The following ABCA10 variants were observed in gnomAD, a reference collection of about 807,000 sequenced individuals.
ABCA10 encodes the protein ATP-binding cassette sub-family A member 10.
In ABCA10, 169 loss-of-function variants were observed where a neutral mutation model predicts 187.5. The observed-to-expected ratio is 0.90, with a 90% confidence interval of 0.80 to 1.02. ABCA10 has a LOEUF of 1.02. ABCA10 is among the 50% of genes least tolerant of loss of function. The probability of loss-of-function intolerance (pLI) is 0.00; values close to 1 mark genes in which losing one functional copy is unlikely to be tolerated. For missense variants in ABCA10, 1,727 were observed against 1,812.4 expected, an observed-to-expected ratio of 0.95 and a Z score of 0.86; for synonymous variants, 574 against 601.8, an observed-to-expected ratio of 0.95 and a Z score of 0.68.
intron 18 of ABCA10, among the ~76,000 whole-genome samples, chr17:69,189,768 T>C (rs2074446688): frequency 6.6e-6 from 1 of 152,194 alleles, no homozygotes; most frequent in Non-Finnish European, 1.5e-5. Context: ...GCACCATTTA[T>C]TGAATAGGGA....
At chr17:69,165,184 T>C (rs2074246688) in intron 25 of ABCA10, 101 bp from the exon 26 acceptor site, 2 of 1,021,256 alleles carry the variant, frequency 2.0e-6, no homozygotes, top group Non-Finnish European at 2.8e-6. Context: ...ACTGCCATTT[T>C]CAACTTTTAC....
At chr17:69,237,599 A>G (rs749946718) in intron 1 of ABCA10, among the ~76,000 whole-genome samples, 1 of 152,120 alleles carries the variant, frequency 6.6e-6, no homozygotes, top group Non-Finnish European at 1.5e-5. Context: ...CCAAAATGAA[A>G]TGTTTTTATT....
chr17:69,170,047 G>T (rs2074285620), intron 25 of ABCA10, among the ~76,000 whole-genome samples: 1 of 152,034 alleles, frequency 6.6e-6, no homozygotes, highest in Non-Finnish European at 1.5e-5. Flanking sequence ...TAACACTTTG[G>T]GAGGCCAAGG....
intron 22 of ABCA10, among the ~76,000 whole-genome samples, chr17:69,177,316 C>T (rs1369235645): frequency 1.3e-5 from 2 of 152,128 alleles, no homozygotes; most frequent in Non-Finnish European, 2.9e-5. Context: ...CCATTTAATG[C>T]TACTATTCTA....
chr17:69,213,061 G>A (rs764469412), intron 9 of ABCA10, among the ~76,000 whole-genome samples: 5 of 152,210 alleles, frequency 3.3e-5, no homozygotes, highest in Admixed American at 6.5e-5. Flanking sequence ...CCTCTGGTTA[G>A]CCAGGGTGTT....
chr17:69,162,210 C>G (rs769281934), intron 27 of ABCA10, among the ~76,000 whole-genome samples: 10 of 152,236 alleles, frequency 6.6e-5, no homozygotes, highest in South Asian at 2.1e-4. Context: ...GATTCTGAAG[C>G]AATTTTTTTG....
At chr17:69,196,539 G>A (rs895926016) in intron 11 of ABCA10, 24 of 169,796 alleles carry the variant, frequency 1.4e-4, no homozygotes, top group African/African-American at 2.2e-4. Context: ...CTGGGAGGCC[G>A]GGCAGAGGGG....
At chr17:69,225,174 T>C in intron 3 of ABCA10, 151 bp downstream of exon 3, 1 of 795,168 alleles carries the variant, frequency 1.3e-6, no homozygotes, top group Non-Finnish European at 2.0e-6. Flanking sequence ...ACCCTTAGCT[T>C]CACACCAACC....
chr17:69,216,617 G>T (rs956793881), intron 6 of ABCA10, among the ~76,000 whole-genome samples: 1 of 152,106 alleles, frequency 6.6e-6, no homozygotes, highest in Admixed American at 6.6e-5. Flanking sequence ...TGTTAGTTTA[G>T]CATGTGGCAC....
chr17:69,232,837 T>C (rs1250968613), upstream of ABCA10: 1 of 152,188 alleles, frequency 6.6e-6, no homozygotes, highest in Non-Finnish European at 1.5e-5. Context: ...ACAGTATTCA[T>C]GGTTGGCAGT....
chr17:69,193,047 T>A, intron 15 of ABCA10, 63 bp downstream of exon 15: 2 of 1,524,092 alleles, frequency 1.3e-6, no homozygotes, highest in Non-Finnish European at 1.8e-6. Context: ...AAACAGGCTA[T>A]GAAAAATAAC....
chr17:69,240,010 T>C (rs77653901), intron 1 of ABCA10, among the ~76,000 whole-genome samples: 2,347 of 152,306 alleles, frequency 0.015, 50 homozygotes, highest in African/African-American at 0.054. Flanking sequence ...GCAGGAAGCA[T>C]CTTAACAGTG....
intron 20 of ABCA10, among the ~76,000 whole-genome samples, chr17:69,184,255 C>T (rs1041901259): frequency 6.6e-6 from 1 of 152,122 alleles, no homozygotes; most frequent in African/African-American, 2.4e-5. Flanking sequence ...TGGTCTTTCT[C>T]CACCCGCCCT....
intron 12 of ABCA10, 120 bp downstream of exon 12, chr17:69,194,265 T>G (rs1036353558): frequency 2.4e-6 from 2 of 845,826 alleles, no homozygotes; most frequent in African/African-American, 3.5e-5. Context: ...AATCAATATT[T>G]CCTGCTCTAA....
chr17:69,194,911 G>A (rs1451443390), intron 11 of ABCA10, among the ~76,000 whole-genome samples: 1 of 152,164 alleles, frequency 6.6e-6, no homozygotes, highest in African/African-American at 2.4e-5. Flanking sequence ...AGAGAAAAGG[G>A]GAAGAGTTTA....
intron 1 of ABCA10, among the ~76,000 whole-genome samples, chr17:69,228,155 C>T (rs1177990618): frequency 6.6e-6 from 1 of 151,816 alleles, no homozygotes; most frequent in East Asian, 1.9e-4. Context: ...ATTAAAACAC[C>T]AATCTTCACT....
At position 69,201,532 on chromosome 17, in the gene ABCA10, C is replaced by T. The variant is rs745322916; in HGVS notation, c.1143G>A (p.Val381=). 3 of 1,604,322 alleles carry T rather than the reference C, an allele frequency of 1.9e-6. No individual in the cohort carries two copies. The highest frequency in any genetic ancestry group is 1.7e-5 in the Admixed American group (1 of 57,760). The change falls in exon 10 of 39, where the codon GTG becomes GTA. Residue 381 remains valine (V), a synonymous_variant. Transcript: ENST00000690296. ...CTTCTTTTCCATGGAATTCTGGAGA[C>T]ACCGGTTCAAAAGAATCATCAGAGG... The part of the protein sequence containing the change: ...EHSSDDSFEP[V]SPEFHGKEAI...
intron 11 of ABCA10, 51 bp downstream of exon 11, chr17:69,197,013 A>AG (rs1220293807): frequency 1.1e-5 from 12 of 1,079,900 alleles, no homozygotes; most frequent in African/African-American, 2.0e-5. Context: ...GGACAGAGGG[A>AG]GGGGGAGGGG....
chr17:69,180,189 CT>C (rs2074368693), intron 22 of ABCA10, among the ~76,000 whole-genome samples: 3 of 152,118 alleles, frequency 2.0e-5, no homozygotes, highest in Admixed American at 1.3e-4. Flanking sequence ...AGATTATCTG[CT>C]TGCAGTTCCC....
Sources: allele counts gnomAD v4.1 joint callset (sites outside exome capture counted in the v4.1 genomes callset), GRCh38; gene constraint gnomAD v4.1.1; transcripts MANE v1.5; gene names NCBI Gene and HGNC (gene_info 2026-07-23, HGNC 2026-07-21).